GPATCH2: variants seen among roughly 807,000 people sequenced by gnomAD.
GPATCH2 encodes G patch domain-containing protein 2.
In GPATCH2, 51 loss-of-function variants were observed where a neutral mutation model predicts 58.0. The observed-to-expected ratio is 0.88, with a 90% CI of 0.70 to 1.11. GPATCH2 has a LOEUF of 1.11. Among genes scored for constraint, GPATCH2 ranks in the 50% most tolerant of loss-of-function variants. The probability of loss-of-function intolerance (pLI) is 0.00; values close to 1 mark genes in which losing one functional copy is unlikely to be tolerated. For synonymous variants in GPATCH2, 222 were observed against 218.5 expected, an observed-to-expected ratio of 1.02 and a Z score of -0.14; for missense variants, 625 against 652.2, an observed-to-expected ratio of 0.96 and a Z score of 0.45.
At chr1:217,440,731 A>G (rs1659093983) in intron 9 of GPATCH2, among the ~76,000 whole-genome samples, 1 of 152,214 alleles carries the variant, frequency 6.6e-6, no homozygotes, top group African/African-American at 2.4e-5. Flanking sequence ...ACGGAGAGCC[A>G]AATCATGAGT....
intron 9 of GPATCH2, among the ~76,000 whole-genome samples, chr1:217,446,080 A>G (rs1355053513): frequency 6.6e-6 from 1 of 152,138 alleles, no homozygotes; most frequent in Non-Finnish European, 1.5e-5. Context: ...TGATTATATA[A>G]TATTTCACAT....
At chr1:217,596,945 C>A (rs1166980042) in intron 5 of GPATCH2, among the ~76,000 whole-genome samples, 2 of 152,092 alleles carry the variant, frequency 1.3e-5, no homozygotes, top group African/African-American at 4.8e-5. Flanking sequence ...TTTATTTCAG[C>A]TTCCTCCCAA....
chr1:217,621,156 C>T (rs910897394), intron 1 of GPATCH2, among the ~76,000 whole-genome samples: 3 of 152,172 alleles, frequency 2.0e-5, no homozygotes, highest in Non-Finnish European at 2.9e-5. Flanking sequence ...ATCTCTTAGG[C>T]TTTCCTTTTT....
intron 6 of GPATCH2, among the ~76,000 whole-genome samples, chr1:217,506,890 C>T (rs183788225): frequency 2.9e-3 from 435 of 152,254 alleles, no homozygotes; most frequent in Non-Finnish European, 5.5e-3. Context: ...GCTCATTAGC[C>T]GTCCCCATCT....
chr1:217,582,089 T>C (rs1667108589), intron 5 of GPATCH2, among the ~76,000 whole-genome samples: 1 of 152,176 alleles, frequency 6.6e-6, no homozygotes, highest in Non-Finnish European at 1.5e-5. Context: ...CTTTCAAACA[T>C]AGAAACAACT....
chr1:217,557,466 T>G (rs1023352673), intron 5 of GPATCH2, among the ~76,000 whole-genome samples: 4 of 151,200 alleles, frequency 2.6e-5, no homozygotes, highest in African/African-American at 9.7e-5. Flanking sequence ...AATTTAACAG[T>G]CTTTTCCTCT....
chr1:217,578,368 G>A (rs140267681), intron 5 of GPATCH2, among the ~76,000 whole-genome samples: 6 of 152,196 alleles, frequency 3.9e-5, no homozygotes, highest in Admixed American at 3.3e-4. Flanking sequence ...TCCCACCTCA[G>A]CCTCCCTAAG....
At chr1:217,563,044 A>G (rs1245301566) in intron 5 of GPATCH2, among the ~76,000 whole-genome samples, 1 of 152,218 alleles carries the variant, frequency 6.6e-6, no homozygotes, top group Non-Finnish European at 1.5e-5. Context: ...ACTCCAAACT[A>G]CACTTGGACT....
At chr1:217,568,886 T>C (rs1209026045) in intron 5 of GPATCH2, among the ~76,000 whole-genome samples, 2 of 152,128 alleles carry the variant, frequency 1.3e-5, no homozygotes, top group Non-Finnish European at 2.9e-5. Flanking sequence ...GCAAAGCCAA[T>C]AGTTTTTGTA....
chr1:217,614,164 A>C lies in GPATCH2; in HGVS notation c.812T>G (p.Phe271Cys), dbSNP rs1351826396. 14 of 1,583,854 alleles carry C rather than the reference A, an allele frequency of 8.8e-6. No individual in the cohort carries two copies. The highest frequency in any genetic ancestry group is 1.0e-5 in the Non-Finnish European group (12 of 1,152,602). ...SSLSSTDAGL[F>C]TNDEGRQGDD... ...ACCTTGTCTTCCCTCATCATTGGTA[A>C]ACAATCCAGCATCAGTGCTGCTGAG... Residue 271 changes from phenylalanine to cysteine, a missense_variant, in exon 3 of 10, where the codon TTT becomes TGT. Phe to Cys is a radical substitution (Grantham distance 205, BLOSUM62 -2). Transcript: ENST00000366935.
At chr1:217,584,374 C>A (rs1483097144) in intron 5 of GPATCH2, among the ~76,000 whole-genome samples, 9 of 125,600 alleles carry the variant, frequency 7.2e-5, no homozygotes, top group East Asian at 3.1e-4. Flanking sequence ...TACACACACA[C>A]AAAAATTAGC....
intron 5 of GPATCH2, among the ~76,000 whole-genome samples, chr1:217,534,733 T>A (rs914234979): frequency 2.0e-5 from 3 of 152,200 alleles, no homozygotes; most frequent in African/African-American, 4.8e-5. Flanking sequence ...GGTTACCAGA[T>A]GTCACATGAC....
intron 8 of GPATCH2, among the ~76,000 whole-genome samples, chr1:217,459,244 A>G (rs975043108): frequency 6.6e-6 from 1 of 152,222 alleles, no homozygotes; most frequent in East Asian, 1.9e-4. Flanking sequence ...GATAGCTCCC[A>G]CCTTCAAGGA....
intron 9 of GPATCH2, among the ~76,000 whole-genome samples, chr1:217,445,944 T>G (rs1659370557): frequency 6.6e-6 from 1 of 152,134 alleles, no homozygotes; most frequent in Admixed American, 6.5e-5. Flanking sequence ...TTATTAAAAG[T>G]GTTATTTATT....
intron 8 of GPATCH2, among the ~76,000 whole-genome samples, chr1:217,463,641 C>CAAA (rs201402598): frequency 0.02 from 1,625 of 82,094 alleles, 150 homozygotes; most frequent in Non-Finnish European, 0.029. Flanking sequence ...CTTATCACTC[C>CAAA]AAAAAAAAAA....
At chr1:217,542,250 C>A (rs1664783844) in intron 5 of GPATCH2, among the ~76,000 whole-genome samples, 1 of 152,178 alleles carries the variant, frequency 6.6e-6, no homozygotes, top group South Asian at 2.1e-4. Context: ...CTTCTAATAA[C>A]AACATCCTGA....
chr1:217,497,802 A>G (rs891037850), intron 7 of GPATCH2, among the ~76,000 whole-genome samples: 2 of 152,204 alleles, frequency 1.3e-5, no homozygotes, highest in Non-Finnish European at 2.9e-5. Flanking sequence ...AAGAACTAAT[A>G]TAATCAAGGG....
chr1:217,595,258 G>C (rs562753122), intron 5 of GPATCH2, among the ~76,000 whole-genome samples: 1 of 152,078 alleles, frequency 6.6e-6, no homozygotes, highest in African/African-American at 2.4e-5. Context: ...AGTAAACTAA[G>C]GATTCAATAG....
At chr1:217,487,425 CTTTT>C (rs556623228) in intron 8 of GPATCH2, among the ~76,000 whole-genome samples, 2 of 137,232 alleles carry the variant, frequency 1.5e-5, no homozygotes, top group African/African-American at 2.7e-5. Context: ...AAGAGTACTT[CTTTT>C]TTTTTTTTTT....
Sources: gnomAD v4.1 joint callset for allele counts (sites outside exome capture counted in the v4.1 genomes callset) on GRCh38, gnomAD v4.1.1 for gene constraint, MANE v1.5 for transcripts, NCBI Gene and HGNC (gene_info 2026-07-23, HGNC 2026-07-21) for gene names.